The following SEMA3D variants were observed in gnomAD, a reference collection of about 807,000 sequenced individuals.
SEMA3D encodes semaphorin-3D.
Under a neutral mutation model 100.1 loss-of-function variants are expected in SEMA3D, and 84 were observed. The ratio of observed to expected loss-of-function variants is 0.84; its 90% CI spans 0.70 to 1.01. SEMA3D has a LOEUF of 1.01. Ranked by LOEUF, SEMA3D falls within the 50% of genes least tolerant of loss-of-function variation. The pLI, the probability that SEMA3D is intolerant of heterozygous loss-of-function variation, is 0.00. For synonymous variants in SEMA3D, 312 were observed against 320.7 expected (o/e 0.97, Z 0.29); for missense variants, 875 against 934.1 (o/e 0.94, Z 0.82).
At chr7:85,002,286 A>C (rs1183088670) in intron 18 of SEMA3D, among the ~76,000 whole-genome samples, 2 of 152,180 alleles carry the variant, frequency 1.3e-5, no homozygotes, top group African/African-American at 4.8e-5. Flanking sequence ...TACTTGATTT[A>C]ATAAATTTTC....
upstream of SEMA3D, among the ~76,000 whole-genome samples, chr7:85,191,577 C>G (rs1791695299): frequency 6.6e-6 from 1 of 152,084 alleles, no homozygotes; most frequent in Admixed American, 6.6e-5. Flanking sequence ...AATATGCCCT[C>G]TTGTGGCTTA....
At chr7:85,050,072 AACACACACACACACACACACACACAC>A (rs55849524) in intron 9 of SEMA3D, among the ~76,000 whole-genome samples, 10 of 136,932 alleles carry the variant, frequency 7.3e-5, no homozygotes, top group African/African-American at 2.5e-4. Flanking sequence ...CTTGAAGGGA[AACACACACACACACACACACACACAC>A]ACACACACAC....
Position 85,020,236 on chromosome 7 carries a change from G to T in SEMA3D, c.1500C>A (p.Phe500Leu). 1.2e-6 allele frequency: 2 copies of T among 1,603,718 alleles called. No homozygotes were observed. The highest frequency in any genetic ancestry group is 1.7e-6 in the Non-Finnish European group (2 of 1,171,684). ...GGCACTCTGGACTGAGTCTTACCTTGAATATCTGCAACTCCTCCAGCACTA... is the reference window on the plus strand; with the variant it reads ...GGCACTCTGGACTGAGTCTTACCTTTAATATCTGCAACTCCTCCAGCACTA... Reference protein sequence around the residue: ...EEVVLEELQIFKHSSIILNME... With the variant: ...EEVVLEELQILKHSSIILNME... The change falls in exon 14 of 19, where the codon TTC becomes TTA. Residue 500 changes from phenylalanine (F) to leucine (L), a missense_variant. Physicochemically the swap from Phe to Leu is conservative, Grantham distance 22. Transcript: ENST00000284136.
rs1787986531 is a variant in SEMA3D, at chr7:85,079,401, A to G, written c.375+2116T>C. 3.3e-5 allele frequency among the ~76,000 whole-genome samples: 5 copies of G among 152,186 alleles called. No homozygotes were observed. The South Asian group carries it at 8.3e-4, about 25-fold the overall frequency. On this transcript the variant is annotated intron_variant, in intron 5 of 18. Transcript: ENST00000284136. ...AACTACAGACTTCAGCAAAAAGCAAAAAGCTCCTCATATATTTAATCCTGG... is the reference window on the plus strand; with the variant it reads ...AACTACAGACTTCAGCAAAAAGCAAGAAGCTCCTCATATATTTAATCCTGG...
chr7:85,065,270 G>C (rs781696560), intron 8 of SEMA3D, among the ~76,000 whole-genome samples, 154 bp downstream of exon 8: 4 of 152,084 alleles, frequency 2.6e-5, no homozygotes, highest in Non-Finnish European at 5.9e-5. Flanking sequence ...AAAGGTTTTG[G>C]AGATTTTCTT....
the SEMA3D span, among the ~76,000 whole-genome samples, chr7:85,231,086 G>A: frequency 6.6e-6 from 1 of 152,098 alleles, no homozygotes; most frequent in Non-Finnish European, 1.5e-5. Context: ...AGTTCTCTCA[G>A]TGTGACTGTT....
At chr7:85,056,560 A>C (rs535250091) in intron 8 of SEMA3D, among the ~76,000 whole-genome samples, 1 of 150,880 alleles carries the variant, frequency 6.6e-6, no homozygotes, top group Non-Finnish European at 1.5e-5. Flanking sequence ...ATAAGCATTA[A>C]ATTCCTTTTT....
At chr7:85,091,337 T>C (rs1415517308) in intron 4 of SEMA3D, among the ~76,000 whole-genome samples, 1 of 152,114 alleles carries the variant, frequency 6.6e-6, no homozygotes, top group East Asian at 1.9e-4. Context: ...GCTTGCATCC[T>C]GGTTTAGAGA....
intron 9 of SEMA3D, among the ~76,000 whole-genome samples, chr7:85,047,469 T>C (rs1791042090): frequency 6.6e-6 from 1 of 151,840 alleles, no homozygotes; most frequent in Non-Finnish European, 1.5e-5. Flanking sequence ...CTATGCTGGG[T>C]TCCTCTGTTA....
At chr7:85,191,865 A>G (rs1415215098), upstream of SEMA3D, among the ~76,000 whole-genome samples, 1 of 152,188 alleles carries the variant, frequency 6.6e-6, no homozygotes, top group Non-Finnish European at 1.5e-5. Flanking sequence ...TAAATGCATT[A>G]GATAGAGTTT....
In SEMA3D at chr7:85,042,194, G is replaced by C. The variant is rs138659238; in HGVS notation, c.953C>G (p.Ala318Gly). 39 of 1,612,398 alleles carry C rather than the reference G, an allele frequency of 2.4e-5. No homozygotes were observed. The African/African-American group carries it at 4.4e-4, about 18-fold the overall frequency. The stretch of plus-strand genomic sequence containing the variant: ...ACGAAGCTCATCAAAGTAAGTATCT[G>C]CCCCATCACTTCCAGGAATTGAGCA... ...LICSIPGSDGADTYFDELQDI... is the reference protein window; with the variant it reads ...LICSIPGSDGGDTYFDELQDI... The change falls in exon 10 of 19, where the codon GCA (alanine) becomes GGA (glycine). Residue 318 changes from alanine (A) to glycine (G), a missense_variant. Ala to Gly is a moderately conservative substitution (Grantham distance 60). Transcript: ENST00000284136.
At chr7:85,163,905 A>G (rs907910397) in intron 1 of SEMA3D, among the ~76,000 whole-genome samples, 8 of 152,138 alleles carry the variant, frequency 5.3e-5, no homozygotes, top group Admixed American at 5.2e-4. Context: ...ACAGACTCCC[A>G]TTCTAACAAG....
At chr7:85,093,516 A>T (rs994106536) in intron 4 of SEMA3D, among the ~76,000 whole-genome samples, 11 of 152,148 alleles carry the variant, frequency 7.2e-5, no homozygotes, top group African/African-American at 2.2e-4. Flanking sequence ...CCTCGATAAC[A>T]TCATTAAGCA....
the SEMA3D span, among the ~76,000 whole-genome samples, chr7:85,195,394 T>A: frequency 6.6e-6 from 1 of 152,172 alleles, no homozygotes; most frequent in Non-Finnish European, 1.5e-5. Context: ...ATTGGGAAAC[T>A]GAAGAAAACC....
At chr7:85,048,179 C>A (rs1352222221) in intron 9 of SEMA3D, among the ~76,000 whole-genome samples, 3 of 151,676 alleles carry the variant, frequency 2.0e-5, no homozygotes, top group Non-Finnish European at 4.4e-5. Flanking sequence ...TGATTTAATG[C>A]CTGTTATATT....
intron 1 of SEMA3D, chr7:85,163,030 GAAGT>G (rs1790789234): frequency 1.1e-6 from 1 of 927,614 alleles, no homozygotes; most frequent in South Asian, 5.0e-5. Flanking sequence ...ACAAGGATGT[GAAGT>G]AAGAATATAA....
chr7:85,194,027 G>A, the SEMA3D span, among the ~76,000 whole-genome samples: 283 of 152,214 alleles, frequency 1.9e-3, 1 homozygote, highest in African/African-American at 6.6e-3. Flanking sequence ...GCCTGGTAGA[G>A]TGATTAATTT....
intron 2 of SEMA3D, among the ~76,000 whole-genome samples, chr7:85,131,567 A>T (rs565454290): frequency 6.6e-6 from 1 of 152,138 alleles, no homozygotes; most frequent in East Asian, 1.9e-4. Flanking sequence ...TTGGATTAAA[A>T]AGATTCAAAG....
chr7:85,126,959 TC>T (rs1361189631), intron 2 of SEMA3D, among the ~76,000 whole-genome samples: 2 of 152,160 alleles, frequency 1.3e-5, no homozygotes, highest in African/African-American at 4.8e-5. Flanking sequence ...CTGTGTATTT[TC>T]TAATAGGCAT....
Sources: gnomAD v4.1 joint callset for allele counts (sites outside exome capture counted in the v4.1 genomes callset) on GRCh38, gnomAD v4.1.1 for gene constraint, MANE v1.5 for transcripts, NCBI Gene and HGNC (gene_info 2026-07-23, HGNC 2026-07-21) for gene names.